Variants in ACAN observed in about 807,000 individuals in gnomAD.
ACAN encodes the protein aggrecan core protein.
A neutral mutation model predicts 169.1 loss-of-function variants in ACAN; 47 were observed. The observed-to-expected ratio is 0.28, with a 90% CI of 0.22 to 0.35. The LOEUF is 0.35. ACAN is among the 10% of genes least tolerant of loss of function. ACAN has a pLI of 1.00. For missense variants in ACAN, 2,716 were observed against 2,759.9 expected (o/e 0.98, Z 0.36); for synonymous variants, 1,115 against 1,112.2 (o/e 1.00, Z -0.05).
At chr15:88,817,060 A>G (rs1457288318) in intron 1 of ACAN, among the ~76,000 whole-genome samples, 1 of 152,144 alleles carries the variant, frequency 6.6e-6, no homozygotes, top group African/African-American at 2.4e-5. Flanking sequence ...TTGGCTTTAC[A>G]TAAAACTCCT....
Position 88,854,896 on chromosome 15 carries a change from A to G in ACAN, c.2311A>G (p.Ser771Gly), listed in dbSNP as rs2141602003. ...TCCCACTGGCGCAGCAACAGAGGAAAGTACAGAAGGCCCTTCTGCAACTGA... is the reference window on the plus strand; with the variant it reads ...TCCCACTGGCGCAGCAACAGAGGAAGGTACAGAAGGCCCTTCTGCAACTGA... Reference protein sequence around the residue: ...WPPTGAATEESTEGPSATEVP... With the variant: ...WPPTGAATEEGTEGPSATEVP... Residue 771 changes from serine to glycine, a missense_variant, in exon 12 of 19, where the codon AGT becomes GGT. Physicochemically the swap from Ser to Gly is moderately conservative, Grantham distance 56. Transcript: ENST00000560601. 1 of 1,541,840 alleles carries G rather than the reference A, an allele frequency of 6.5e-7. No individual in the cohort carries two copies. The highest frequency in any genetic ancestry group is 2.3e-5 in the East Asian group (1 of 43,648).
chr15:88,846,227 A>G (rs1896789492), intron 7 of ACAN, among the ~76,000 whole-genome samples: 2 of 152,074 alleles, frequency 1.3e-5, no homozygotes, highest in South Asian at 4.2e-4. Flanking sequence ...AGACACCCCA[A>G]CAAAACAGAG....
chr15:88,873,149 G>T lies in ACAN; in HGVS notation c.7447+124G>T. ...TCTGGCTGCTGGTGTCTCCTCACTT[G>T]TCCAAAAGGCAGACTGGAGCTGACC... On this transcript the variant is annotated intron_variant, in intron 17 of 18. Transcript: ENST00000560601. This position sits in a 1 kb window ranked among gnomAD's most constrained non-coding sequence, Gnocchi z 7.5. The T allele has an allele frequency of 1.5e-6, 2 of 1,310,296 alleles. No homozygotes were observed. Among genetic ancestry groups the T allele is most frequent in the Non-Finnish European group, 1.0e-6 (1 of 969,752 alleles). The allele number at this position is 1,310,296 out of a possible 1,614,324, so 81.2% of individuals were successfully genotyped here. A position where few individuals can be genotyped will look rare whatever the true frequency, so the allele number is the denominator to read the frequency against.
At chr15:88,831,361 C>G (rs34253065) in intron 1 of ACAN, among the ~76,000 whole-genome samples, 96,841 of 152,132 alleles carry the variant, frequency 0.64, 31,239 homozygotes, top group Middle Eastern at 0.74. Flanking sequence ...CGTGTCTCTA[C>G]CTGAGACTTA....
At position 88,870,586 on chromosome 15, in the gene ACAN, G is replaced by A. The variant is rs1022137093; in HGVS notation, c.7061-796G>A. ...ACAATGAGCTCTCTCAAAGCTGAGT[G>A]AGCCAGCTCAGCATGGCTCCGCCTG... On this transcript the variant is annotated intron_variant, in intron 14 of 18. Coordinates refer to ENST00000560601, the MANE Select transcript of ACAN (RefSeq NM_001369268.1). This position sits in a 1 kb window ranked among gnomAD's most constrained non-coding sequence, Gnocchi z 6.3. Among the ~76,000 whole-genome samples the A allele has an allele frequency of 4.6e-5, 7 of 152,168 alleles. No homozygotes were observed. Among genetic ancestry groups the A allele is most frequent in the African/African-American group, 4.8e-5 (2 of 41,438 alleles).
intron 1 of ACAN, among the ~76,000 whole-genome samples, chr15:88,834,741 C>T (rs1031056022): frequency 3.9e-5 from 6 of 152,198 alleles, no homozygotes; most frequent in Admixed American, 2.6e-4. Flanking sequence ...GAGGGAAGGT[C>T]ACAGGAGGTG....
chr15:88,845,698 G>A lies in ACAN; in HGVS notation c.1245G>A (p.Glu415=). The A allele has an allele frequency of 1.2e-6, 2 of 1,614,032 alleles. No homozygotes were observed. Among genetic ancestry groups the A allele is most frequent in the East Asian group, 2.2e-5 (1 of 44,878 alleles). ...TCTCCCCCAGTCCCCTGGAACCCGA[G>A]GAGCCCTTCACGTTTGCCCCTGAAA... is the stretch of plus-strand genomic sequence containing the variant. ...FEVSPSPLEP[E]EPFTFAPEIG... Residue 415 remains glutamate, a synonymous_variant, in exon 7 of 19, where the codon GAG becomes GAA. Coordinates refer to ENST00000560601, the MANE Select transcript of ACAN (RefSeq NM_001369268.1).
At chr15:88,820,304 C>T (rs2141514647) in intron 1 of ACAN, among the ~76,000 whole-genome samples, 1 of 152,210 alleles carries the variant, frequency 6.6e-6, no homozygotes, top group East Asian at 1.9e-4. Context: ...TCGAGGACGG[C>T]AAACTGGATC....
At chr15:88,848,494 A>G (rs545723544) in intron 9 of ACAN, among the ~76,000 whole-genome samples, 5 of 152,302 alleles carry the variant, frequency 3.3e-5, no homozygotes, top group African/African-American at 1.2e-4. Flanking sequence ...AGGTGCCTCA[A>G]TGTGAGTTGA....
intron 2 of ACAN, among the ~76,000 whole-genome samples, chr15:88,837,878 G>T (rs1445730051): frequency 6.9e-6 from 1 of 144,754 alleles, no homozygotes. Flanking sequence ...GAGTCTCCAT[G>T]AAAGGTGCTT....
Position 88,839,900 on chromosome 15 carries a change from AG to A in ACAN, c.455-111del. 7.5e-7 allele frequency: 1 copy of A among 1,324,820 alleles called. No homozygotes were observed. The highest frequency in any genetic ancestry group is 1.0e-6 in the Non-Finnish European group (1 of 962,352). 82.1% of individuals were successfully genotyped at this position (1,324,820 alleles called of 1,614,324 possible). A position where few individuals can be genotyped will look rare whatever the true frequency, so the allele number is the denominator to read the frequency against. ...AGGGAGTCATGCATCAGCCCAGACCAGCCAGTTCCCTAAGGTCCCTTTGACT... is the reference window on the plus strand; with the variant it reads ...AGGGAGTCATGCATCAGCCCAGACCACCAGTTCCCTAAGGTCCCTTTGACT... On this transcript the variant is annotated intron_variant, in intron 3 of 18. Coordinates refer to ENST00000560601, the MANE Select transcript of ACAN (RefSeq NM_001369268.1). This position sits in a 1 kb window ranked among gnomAD's most constrained non-coding sequence, Gnocchi z 4.5.
intron 1 of ACAN, among the ~76,000 whole-genome samples, chr15:88,810,332 C>A (rs541678351): frequency 6.6e-6 from 1 of 152,162 alleles, no homozygotes; most frequent in East Asian, 1.9e-4. Context: ...CATGTCCTCG[C>A]TGTTTCCAGG....
At chr15:88,850,096 G>A (rs1014027834) in intron 10 of ACAN, 1 of 577,256 alleles carries the variant, frequency 1.7e-6, no homozygotes, top group Non-Finnish European at 3.1e-6. Context: ...TGCACGTGGT[G>A]CCCTTGGCAT....
chr15:88,844,669 G>A (rs1246928397), intron 6 of ACAN, among the ~76,000 whole-genome samples: 2 of 152,136 alleles, frequency 1.3e-5, no homozygotes, highest in Admixed American at 6.5e-5. Context: ...CACCACGCCC[G>A]GCCACAAAAT....
rs776676545 is a variant in ACAN, at chr15:88,860,399, C to T, written c.6906C>T (p.Cys2302=). ...TCKETEGHVI[C]LCPPGYTGEH... ...AGGAGACAGAGGGACACGTCATATG[C>T]CTGTGCCCCCCTGGCTACACTGGCG... Residue 2302 remains cysteine (C), a synonymous_variant, in exon 13 of 19, where the codon TGC becomes TGT. Coordinates refer to ENST00000560601, the MANE Select transcript of ACAN (RefSeq NM_001369268.1). The T allele has an allele frequency of 6.2e-7, 1 of 1,613,606 alleles. No individual in the cohort carries two copies. Among genetic ancestry groups the T allele is most frequent in the East Asian group, 2.2e-5 (1 of 44,872 alleles).
At chr15:88,812,846 G>C (rs1251035213) in intron 1 of ACAN, among the ~76,000 whole-genome samples, 3 of 152,122 alleles carry the variant, frequency 2.0e-5, no homozygotes, top group Non-Finnish European at 4.4e-5. Flanking sequence ...ACCAAGGGGA[G>C]TGAGGAGGTC....
intron 1 of ACAN, among the ~76,000 whole-genome samples, chr15:88,815,656 TAAAAAA>T (rs58267198): frequency 7.4e-5 from 4 of 54,182 alleles, no homozygotes; most frequent in African/African-American, 1.7e-4. Flanking sequence ...CTGCACTGAT[TAAAAAA>T]AAAAAAAAAA....
At chr15:88,829,536 C>T (rs914967897) in intron 1 of ACAN, among the ~76,000 whole-genome samples, 14 of 152,106 alleles carry the variant, frequency 9.2e-5, no homozygotes, top group Non-Finnish European at 1.8e-4. Flanking sequence ...ATCCCAGCCT[C>T]GAGTGCATAT....
intron 2 of ACAN, 45 bp downstream of exon 2, chr15:88,836,321 G>T: frequency 6.5e-7 from 1 of 1,533,710 alleles, no homozygotes; most frequent in Non-Finnish European, 9.0e-7. Flanking sequence ...GTAGGCATGA[G>T]TAGTGGGTTT....
Sources: gnomAD v4.1 joint callset for allele counts (sites outside exome capture counted in the v4.1 genomes callset) on GRCh38, gnomAD v4.1.1 for gene constraint, Gnocchi (gnomAD v3.1) non-coding constraint, MANE v1.5 for transcripts, NCBI Gene and HGNC (gene_info 2026-07-23, HGNC 2026-07-21) for gene names.